UNC5D: variants seen among roughly 807,000 people sequenced by gnomAD.
UNC5D encodes the protein unc-5 netrin receptor D.
UNC5D carries 39 observed loss-of-function variants against 105.4 expected under a neutral mutation model. The ratio of observed to expected loss-of-function variants is 0.37; its 90% CI spans 0.29 to 0.48. The LOEUF is 0.48. Among genes scored for constraint, UNC5D ranks in the 20% least tolerant of loss-of-function variants. The pLI is 0.98. For synonymous variants in UNC5D, 452 were observed against 450.4 expected (o/e 1.00, Z -0.04); for missense variants, 991 against 1,202.4 (o/e 0.82, Z 2.60).
chr8:35,538,480 T>G (rs1815035605), intron 1 of UNC5D, among the ~76,000 whole-genome samples: 2 of 143,842 alleles, frequency 1.4e-5, no homozygotes, highest in African/African-American at 5.0e-5. Context: ...ATCCAAAGGA[T>G]TAAGAATTTA....
chr8:35,585,289 A>G (rs933567910), intron 3 of UNC5D, among the ~76,000 whole-genome samples: 1 of 152,238 alleles, frequency 6.6e-6, no homozygotes, highest in African/African-American at 2.4e-5. Context: ...GAGCGTCAGC[A>G]TGACAGGACC....
chr8:35,391,454 C>G (rs1803765917), intron 1 of UNC5D, among the ~76,000 whole-genome samples: 1 of 152,154 alleles, frequency 6.6e-6, no homozygotes. Context: ...ATTTTTATTT[C>G]TATAACTCTG....
intron 4 of UNC5D, among the ~76,000 whole-genome samples, chr8:35,666,330 G>A (rs1824420151): frequency 6.6e-6 from 1 of 151,888 alleles, no homozygotes; most frequent in South Asian, 2.1e-4. Flanking sequence ...CATTGCATTG[G>A]AAAGAAGTGT....
rs75159064 is a variant in UNC5D at position 35,534,661 on chromosome 8, G to A, written c.104-14631G>A. 3.2e-3 allele frequency among the ~76,000 whole-genome samples: 484 copies of A among 151,720 alleles called. 3 individuals carry two copies. Among genetic ancestry groups the A allele is most frequent in the African/African-American group, 0.011 (453 of 41,388 alleles). On this transcript the variant is annotated intron_variant, in intron 1 of 16. Transcript: ENST00000404895. Reference sequence around the variant, plus strand: ...GTATTCAGGGCCATTTTTAAGTAAAGGTACCACAGAATAGGTCCTTCCTGG... The same window carrying A: ...GTATTCAGGGCCATTTTTAAGTAAAAGTACCACAGAATAGGTCCTTCCTGG...
At chr8:35,712,341 G>A (rs1828015910) in intron 8 of UNC5D, among the ~76,000 whole-genome samples, 1 of 152,136 alleles carries the variant, frequency 6.6e-6, no homozygotes, top group Admixed American at 6.5e-5. Flanking sequence ...GACATTTATT[G>A]TACAATTGTC....
chr8:35,243,764 C>A (rs1236604714), intron 1 of UNC5D, among the ~76,000 whole-genome samples: 1 of 152,132 alleles, frequency 6.6e-6, no homozygotes, highest in Admixed American at 6.6e-5. Context: ...GGCCCCTCTG[C>A]CTTTGATGCA....
chr8:35,618,336 G>C (rs1205378154), intron 4 of UNC5D, among the ~76,000 whole-genome samples: 1 of 152,178 alleles, frequency 6.6e-6, no homozygotes, highest in Non-Finnish European at 1.5e-5. Context: ...ATTGGTCTGG[G>C]AAAGTCTGTC....
rs184488070 is a variant in UNC5D at position 35,770,370 on chromosome 8, G to T, written c.2478+3304G>T. On this transcript the variant is annotated intron_variant, in intron 15 of 16. Transcript: ENST00000404895. ...GAAGGCATTTGATCCTTCATGTTCA[G>T]CCTCATCCCTGACATATCCCTTCAT... 1.0e-3 allele frequency among the ~76,000 whole-genome samples: 154 copies of T among 152,206 alleles called. 1 individual carries two copies. The highest frequency in any genetic ancestry group is 2.2e-4 in the Non-Finnish European group (15 of 68,004).
intron 7 of UNC5D, among the ~76,000 whole-genome samples, chr8:35,689,778 T>A (rs1337051322): frequency 1.3e-5 from 2 of 152,104 alleles, no homozygotes; most frequent in Non-Finnish European, 2.9e-5. Flanking sequence ...GCCGTCTGCT[T>A]TTTTTTTCAG....
At chr8:35,298,303 C>T (rs575271582) in intron 1 of UNC5D, among the ~76,000 whole-genome samples, 43 of 152,232 alleles carry the variant, frequency 2.8e-4, no homozygotes, top group Middle Eastern at 3.4e-3. Context: ...TTAAGCATAC[C>T]CTATCCACTT....
At chr8:35,258,608 T>C in intron 1 of UNC5D, among the ~76,000 whole-genome samples, 2 of 152,182 alleles carry the variant, frequency 1.3e-5, no homozygotes, top group Middle Eastern at 6.8e-3. Flanking sequence ...ATGCAAAGTA[T>C]TTAAAATATT....
intron 1 of UNC5D, among the ~76,000 whole-genome samples, chr8:35,246,982 C>T (rs974039009): frequency 9.9e-5 from 15 of 151,940 alleles, no homozygotes; most frequent in Non-Finnish European, 1.8e-4. Flanking sequence ...GGCCAAAGTC[C>T]AAATTTGTAC....
intron 1 of UNC5D, among the ~76,000 whole-genome samples, chr8:35,378,246 T>C (rs975395203): frequency 6.6e-6 from 1 of 152,212 alleles, no homozygotes; most frequent in Admixed American, 6.5e-5. Context: ...CAAAGTACCT[T>C]ATAAATGTTA....
intron 1 of UNC5D, chr8:35,544,292 A>T: frequency 1.5e-6 from 2 of 1,296,502 alleles, no homozygotes; most frequent in Non-Finnish European, 2.1e-6. Flanking sequence ...GGATTTAATT[A>T]AGTGAAGCTT....
At chr8:35,562,494 T>C (rs1372613755) in intron 2 of UNC5D, among the ~76,000 whole-genome samples, 1 of 152,150 alleles carries the variant, frequency 6.6e-6, no homozygotes, top group East Asian at 1.9e-4. Flanking sequence ...CTCTAGCACC[T>C]ATCTTTTTTT....
intron 2 of UNC5D, among the ~76,000 whole-genome samples, chr8:35,565,828 T>C (rs533312259): frequency 6.6e-6 from 1 of 152,342 alleles, no homozygotes; most frequent in East Asian, 1.9e-4. Flanking sequence ...TAGGGTGTCC[T>C]TTCCCCAGTA....
intron 11 of UNC5D, among the ~76,000 whole-genome samples, chr8:35,731,509 G>C (rs1296640531): frequency 6.7e-6 from 1 of 148,176 alleles, no homozygotes; most frequent in Non-Finnish European, 1.5e-5. Context: ...TGTATAGATA[G>C]ATGAGATCAT....
chr8:35,241,551 A>G (rs559472755), intron 1 of UNC5D, among the ~76,000 whole-genome samples: 3 of 152,312 alleles, frequency 2.0e-5, no homozygotes, highest in Non-Finnish European at 2.9e-5. Context: ...TCAGGCCACT[A>G]TAGAGCATAA....
chr8:35,750,800 T>C lies in UNC5D; in HGVS notation c.2154T>C (p.Cys718=), dbSNP rs1467587138. 6.2e-7 allele frequency: 1 copy of C among 1,614,158 alleles called. No individual in the cohort carries two copies. The highest frequency in any genetic ancestry group is 8.5e-7 in the Non-Finnish European group (1 of 1,179,994). Residue 718 remains cysteine, a synonymous_variant, in exon 13 of 17, where the codon TGT becomes TGC. Transcript: ENST00000404895. ...LRVYCVDNTP[C]AFQEVVSDER... ...TTTACTGTGTGGACAATACCCCTTG[T>C]GCATTTCAGGTTAGCCTTTGTTTTA...
Sources: allele counts gnomAD v4.1 joint callset (sites outside exome capture counted in the v4.1 genomes callset), GRCh38; gene constraint gnomAD v4.1.1; transcripts MANE v1.5; gene names NCBI Gene and HGNC (gene_info 2026-07-23, HGNC 2026-07-21).